Variants in CEBPZ observed in about 807,000 individuals in gnomAD.
CEBPZ encodes the protein CCAAT enhancer binding protein zeta, also known as CCAAT/enhancer-binding protein zeta.
CEBPZ carries 78 observed loss-of-function variants against 104.5 expected under a neutral mutation model. That is an observed-to-expected ratio of 0.75 (90% CI 0.62 to 0.90). The LOEUF is 0.90. Ranked by LOEUF, CEBPZ falls within the 40% of genes least tolerant of loss-of-function variation. CEBPZ has a pLI of 0.00. For synonymous variants in CEBPZ, 470 were observed against 427.0 expected (o/e 1.10, Z -1.24); for missense variants, 1,439 against 1,233.5 (o/e 1.17, Z -2.50).
chr2:37,212,042 G>A lies in CEBPZ; in HGVS notation c.2604-3C>T, dbSNP rs955257906. The A allele has an allele frequency of 1.5e-5, 24 of 1,571,338 alleles. No homozygotes were observed. Among genetic ancestry groups the A allele is most frequent in the Non-Finnish European group, 1.9e-5 (22 of 1,165,122 alleles). On this transcript the variant is annotated splice_region_variant and splice_polypyrimidine_tract_variant and intron_variant, in intron 11 of 15. Transcript: ENST00000234170. ...CTTTTGTTCTCTTTTTCACGTTTCTGGAAAAAAACACAACTTGTAATACAA... is the reference window on the plus strand; with the variant it reads ...CTTTTGTTCTCTTTTTCACGTTTCTAGAAAAAAACACAACTTGTAATACAA...
In CEBPZ at chr2:37,212,255, G is replaced by GT. The variant is rs771099852; in HGVS notation, c.2603+79dup. The stretch of plus-strand genomic sequence containing the variant: ...GACTACATTTCCCCTTTATCATATA[G>GT]TTCTGTGGTCTACTGTTCTGAGGGA... On this transcript the variant is annotated intron_variant, in intron 11 of 15. Coordinates refer to ENST00000234170, the MANE Select transcript of CEBPZ (RefSeq NM_005760.3). 76 of 1,277,844 alleles carry GT rather than the reference G, an allele frequency of 5.9e-5. 1 individual carries two copies. The East Asian group carries it at 1.7e-3, about 29-fold the overall frequency. The allele number at this position is 1,277,844 out of a possible 1,614,324, so 79.2% of individuals were successfully genotyped here.
chr2:37,228,831 G>T lies in CEBPZ; in HGVS notation c.362C>A (p.Pro121His). 1.3e-6 allele frequency: 2 copies of T among 1,598,636 alleles called. No homozygotes were observed. The highest frequency in any genetic ancestry group is 1.7e-5 in the Admixed American group (1 of 57,366). ...ENSSKKEVKI[P>H]KINNKNTAES... ...TGCTGTATTTTTATTATTTATTTTA[G>T]GTATTTTTACTTCTTTTTTGCTGGA... Residue 121 changes from proline (P) to histidine (H), a missense_variant, in exon 2 of 16, where the codon CCT becomes CAT. Coordinates refer to ENST00000234170, the MANE Select transcript of CEBPZ (RefSeq NM_005760.3).
rs938809847 is a variant in CEBPZ, at chr2:37,225,398, G to A, written c.1650-1997C>T. Among the ~76,000 whole-genome samples, 124 of 151,604 alleles carry A rather than the reference G, an allele frequency of 8.2e-4. 1 individual carries two copies. The highest frequency in any genetic ancestry group is 2.4e-4 in the Non-Finnish European group (16 of 67,882). On this transcript the variant is annotated intron_variant, in intron 2 of 15. Coordinates refer to ENST00000234170, the MANE Select transcript of CEBPZ (RefSeq NM_005760.3). The stretch of plus-strand genomic sequence containing the variant: ...GACATAGGAGACTCCATTTTGTTAT[G>A]TACTAAGAAAAATTCTTCTGCCTTG...
At chr2:37,218,245 C>G (rs560788424) in intron 5 of CEBPZ, among the ~76,000 whole-genome samples, 1 of 148,868 alleles carries the variant, frequency 6.7e-6, no homozygotes. Flanking sequence ...CCAGCCTGGG[C>G]GACAGAGCAA....
At chr2:37,227,026 G>C (rs1572509310) in intron 2 of CEBPZ, among the ~76,000 whole-genome samples, 4 of 152,142 alleles carry the variant, frequency 2.6e-5, no homozygotes, top group African/African-American at 9.7e-5. Context: ...AGCGCCTCCA[G>C]GGGTGGGATT....
chr2:37,212,430 A>C (rs200237820), intron 10 of CEBPZ, 38 bp from the exon 11 acceptor site: 8 of 1,534,546 alleles, frequency 5.2e-6, no homozygotes, highest in Non-Finnish European at 7.2e-6. Context: ...ACAACAAAGA[A>C]TGACAAGCTT....
chr2:37,216,896 T>TA lies in CEBPZ; in HGVS notation c.2208+87dup, dbSNP rs757842746. On this transcript the variant is annotated intron_variant, in intron 6 of 15. Transcript: ENST00000234170. ...GTAAAATGTACAAGATTCTCTCTGT[T>TA]AGAGAAAACACTGTATGACCAATTA... 1,589 of 1,071,306 alleles carry TA rather than the reference T, an allele frequency of 1.5e-3. 2 individuals are homozygous for TA. The highest frequency in any genetic ancestry group is 2.0e-3 in the Non-Finnish European group (1,409 of 708,616). The allele number at this position is 1,071,306 out of a possible 1,614,324, so 66.4% of individuals were successfully genotyped here.
intron 4 of CEBPZ, among the ~76,000 whole-genome samples, chr2:37,220,971 T>C (rs983435617): frequency 2.6e-5 from 4 of 151,826 alleles, no homozygotes; most frequent in Admixed American, 2.6e-4. Flanking sequence ...TGATCCAGCC[T>C]TCCTGACAGA....
intron 12 of CEBPZ, 22 bp downstream of exon 12, chr2:37,211,821 T>C (rs1480203269): frequency 6.5e-7 from 1 of 1,543,360 alleles, no homozygotes; most frequent in East Asian, 2.3e-5. Context: ...ACAGTTTATG[T>C]CTTATTTTAA....
intron 2 of CEBPZ, among the ~76,000 whole-genome samples, chr2:37,227,011 ATG>A (rs1664901949): frequency 1.3e-5 from 2 of 152,096 alleles, no homozygotes; most frequent in African/African-American, 2.4e-5. Context: ...TCCAATATGA[ATG>A]TGAGCGCCTC....
chr2:37,205,185 G>A (rs1677491014), intron 13 of CEBPZ, among the ~76,000 whole-genome samples: 1 of 152,158 alleles, frequency 6.6e-6, no homozygotes, highest in Non-Finnish European at 1.5e-5. Flanking sequence ...TAGGCGTGAG[G>A]CTCTGAAAGA....
In CEBPZ at chr2:37,223,307, G is replaced by A. The variant is rs769708866; in HGVS notation, c.1744C>T (p.Arg582Trp). 7.4e-6 allele frequency: 12 copies of A among 1,613,922 alleles called. No homozygotes were observed. The highest frequency in any genetic ancestry group is 5.3e-5 in the African/African-American group (4 of 74,860). Reference sequence around the variant, plus strand: ...AACCTCTTCACAAAAGCCTTCACCCGGCGCAACACAATGTCAGCTTTCAGA... The same window carrying A: ...AACCTCTTCACAAAAGCCTTCACCCAGCGCAACACAATGTCAGCTTTCAGA... ...KSLKADIVLR[R>W]VKAFVKRLLQ... Residue 582 changes from arginine (R) to tryptophan (W), a missense_variant, in exon 3 of 16, where the codon CGG becomes TGG. Coordinates refer to ENST00000234170, the MANE Select transcript of CEBPZ (RefSeq NM_005760.3).
intron 9 of CEBPZ, 60 bp from the exon 10 acceptor site, chr2:37,214,021 C>A: frequency 1.1e-6 from 1 of 904,248 alleles, no homozygotes; most frequent in South Asian, 2.0e-5. Flanking sequence ...TACTATATAT[C>A]ATCAAAGCAC....
Position 37,201,879 on chromosome 2 carries a change from G to A in CEBPZ, c.3050C>T (p.Ala1017Val). The A allele has an allele frequency of 6.2e-7, 1 of 1,613,460 alleles. No individual in the cohort carries two copies. Among genetic ancestry groups the A allele is most frequent in the South Asian group, 1.1e-5 (1 of 91,048 alleles). Residue 1017 changes from alanine to valine, a missense_variant, in exon 16 of 16, where the codon GCT becomes GTT. Coordinates refer to ENST00000234170, the MANE Select transcript of CEBPZ (RefSeq NM_005760.3). ...NASLKQLRWE[A>V]ERDDWLHNRD... ...GTTGTGTAGCCAGTCATCACGTTCA[G>A]CCTCCCATCTAAGCTGTTTGAGACC...
At chr2:37,206,421 G>C (rs1677541676) in intron 13 of CEBPZ, among the ~76,000 whole-genome samples, 1 of 152,238 alleles carries the variant, frequency 6.6e-6, no homozygotes, top group Non-Finnish European at 1.5e-5. Context: ...GCAGTGGTGT[G>C]ATCTTGGCTC....
chr2:37,223,947 A>C (rs1407574172), intron 2 of CEBPZ, among the ~76,000 whole-genome samples: 1 of 152,190 alleles, frequency 6.6e-6, no homozygotes, highest in South Asian at 2.1e-4. Context: ...CATACACGCT[A>C]TTTTCACTGC....
At chr2:37,211,471 G>A in intron 12 of CEBPZ, 1 of 231,072 alleles carries the variant, frequency 4.3e-6, no homozygotes, top group Non-Finnish European at 8.3e-6. Context: ...GGTGTTCCTT[G>A]CTAATTTACA....
At chr2:37,213,419 GT>G (rs1032800366) in intron 10 of CEBPZ, 16 of 148,068 alleles carry the variant, frequency 1.1e-4, no homozygotes, top group African/African-American at 2.0e-4. Flanking sequence ...TGTTTCTTTT[GT>G]TTTTTTTTTG....
At chr2:37,222,354 A>G (rs1469359304) in intron 4 of CEBPZ, 26 bp downstream of exon 4, 38 of 1,531,212 alleles carry the variant, frequency 2.5e-5, no homozygotes, top group Non-Finnish European at 3.3e-5. Context: ...CAAACTCCCT[A>G]GAGAATAAAG....
Sources: allele counts gnomAD v4.1 joint callset (sites outside exome capture counted in the v4.1 genomes callset), GRCh38; gene constraint gnomAD v4.1.1; transcripts MANE v1.5; gene names NCBI Gene and HGNC (gene_info 2026-07-23, HGNC 2026-07-21).